LMBR1: variants seen among roughly 807,000 people sequenced by gnomAD.
LMBR1 encodes the protein limb region 1 protein homolog.
LMBR1 carries 52 observed loss-of-function variants against 73.9 expected under a neutral mutation model. That is an observed-to-expected ratio of 0.70 (90% CI 0.56 to 0.89). The LOEUF (loss-of-function observed/expected upper bound fraction) is 0.89. Ranked by LOEUF, LMBR1 falls within the 40% of genes least tolerant of loss-of-function variation. The probability of loss-of-function intolerance (pLI) is 0.00; values close to 1 mark genes in which losing one functional copy is unlikely to be tolerated. For missense variants in LMBR1, 539 were observed against 579.8 expected (o/e 0.93, Z 0.72); for synonymous variants, 215 against 209.4 (o/e 1.03, Z -0.23).
chr7:156,891,384 AGAAT>A (rs1463300418), intron 1 of LMBR1, among the ~76,000 whole-genome samples: 1 of 151,834 alleles, frequency 6.6e-6, no homozygotes, highest in African/African-American at 2.4e-5. Context: ...TACTGCACCG[AGAAT>A]GAATTATAAC....
intron 9 of LMBR1, among the ~76,000 whole-genome samples, chr7:156,749,966 G>A (rs567109688): frequency 7.9e-5 from 12 of 152,272 alleles, no homozygotes; most frequent in Non-Finnish European, 1.2e-4. Flanking sequence ...TGGGATTACA[G>A]GTGTGAACCA....
intron 3 of LMBR1, among the ~76,000 whole-genome samples, chr7:156,828,231 G>A (rs1363063619): frequency 6.6e-6 from 1 of 152,060 alleles, no homozygotes; most frequent in East Asian, 1.9e-4. Context: ...CCCCCTCATA[G>A]CCCAAACATG....
intron 9 of LMBR1, among the ~76,000 whole-genome samples, chr7:156,738,885 G>A (rs889077582): frequency 6.6e-6 from 1 of 152,138 alleles, no homozygotes; most frequent in African/African-American, 2.4e-5. Context: ...CAGGTCTGAT[G>A]CAGCATATTC....
chr7:156,717,426 T>A (rs1320807012), intron 15 of LMBR1, among the ~76,000 whole-genome samples: 2 of 152,124 alleles, frequency 1.3e-5, no homozygotes, highest in Non-Finnish European at 2.9e-5. Context: ...GAGGTCTCGA[T>A]TTGGGGGCAA....
At chr7:156,790,595 C>A (rs1222103154) in intron 5 of LMBR1, among the ~76,000 whole-genome samples, 1 of 151,764 alleles carries the variant, frequency 6.6e-6, no homozygotes, top group Non-Finnish European at 1.5e-5. Context: ...TCAAAGTATA[C>A]CATTACAGTG....
At chr7:156,724,764 C>CTGTGTGTGTGTG (rs71189961) in intron 14 of LMBR1, among the ~76,000 whole-genome samples, 12 of 146,534 alleles carry the variant, frequency 8.2e-5, no homozygotes, top group Admixed American at 1.4e-4. Flanking sequence ...AAAGAAATAG[C>CTGTGTGTGTGTG]TGTGTGTGTG....
At chr7:156,776,835 G>T (rs1826226008) in intron 5 of LMBR1, among the ~76,000 whole-genome samples, 1 of 152,050 alleles carries the variant, frequency 6.6e-6, no homozygotes, top group Non-Finnish European at 1.5e-5. Context: ...ATACAATCAT[G>T]AGAAAGTTTT....
At chr7:156,672,085 T>C (rs538906878) in intron 4 of LMBR1, among the ~76,000 whole-genome samples, 27 of 152,350 alleles carry the variant, frequency 1.8e-4, no homozygotes, top group African/African-American at 5.3e-4. Context: ...GTGATTCTTA[T>C]GTATATTAAA....
At chr7:156,722,753 GAATTT>G (rs1814858501) in intron 15 of LMBR1, among the ~76,000 whole-genome samples, 1 of 151,820 alleles carries the variant, frequency 6.6e-6, no homozygotes, top group African/African-American at 2.4e-5. Flanking sequence ...AACTACTCTG[GAATTT>G]AATTTGTTGG....
intron 15 of LMBR1, among the ~76,000 whole-genome samples, chr7:156,701,468 T>C (rs1563165333): frequency 6.6e-6 from 1 of 152,172 alleles, no homozygotes. Context: ...TTCATATATA[T>C]AAAATTCTAG....
intron 5 of LMBR1, among the ~76,000 whole-genome samples, chr7:156,772,658 A>C (rs1825412597): frequency 6.6e-6 from 1 of 152,036 alleles, no homozygotes; most frequent in Non-Finnish European, 1.5e-5. Flanking sequence ...GACCAGCCTG[A>C]CCAACACAGT....
chr7:156,746,804 T>C (rs536718207), intron 9 of LMBR1, among the ~76,000 whole-genome samples: 4 of 152,268 alleles, frequency 2.6e-5, no homozygotes, highest in Admixed American at 2.0e-4. Flanking sequence ...AATTATGACA[T>C]ACTGCAAACA....
Position 156,679,571 on chromosome 7 carries a change from CA to C in LMBR1, c.*4506del, listed in dbSNP as rs1563114126. On this transcript the variant is annotated 3_prime_UTR_variant, in exon 17 of 17. Coordinates refer to ENST00000353442, the MANE Select transcript of LMBR1 (RefSeq NM_022458.4). ...GTGTTTGTAAGCGGCATCGTTCATTCAGTAACAGCTTTTCAAAGGAAAGGAA... is the reference window on the plus strand; with the variant it reads ...GTGTTTGTAAGCGGCATCGTTCATTCGTAACAGCTTTTCAAAGGAAAGGAA... 1 of 152,148 alleles carries C rather than the reference CA, an allele frequency of 6.6e-6. No homozygotes were observed. The highest frequency in any genetic ancestry group is 1.5e-5 in the Non-Finnish European group (1 of 68,024). The allele number at this position is 152,148 out of a possible 1,614,324, so 9.4% of individuals were successfully genotyped here.
intron 15 of LMBR1, among the ~76,000 whole-genome samples, chr7:156,723,751 C>T (rs3778927): frequency 1.3e-5 from 2 of 152,154 alleles, no homozygotes; most frequent in Non-Finnish European, 2.9e-5. Context: ...TTAAACCATA[C>T]TAAATTATAA....
At chr7:156,676,794 CTTAGTATATT>C, downstream of LMBR1, 3 of 649,506 alleles carry the variant, frequency 4.6e-6, no homozygotes, top group Non-Finnish European at 7.9e-6. Context: ...TGTAGGAAAT[CTTAGTATATT>C]TTAAAAGCTG....
At chr7:156,866,626 GAC>G (rs1554563554) in intron 1 of LMBR1, among the ~76,000 whole-genome samples, 1 of 147,954 alleles carries the variant, frequency 6.8e-6, no homozygotes, top group Non-Finnish European at 1.5e-5. Flanking sequence ...TTTTTAATGA[GAC>G]ATAGTCTTGC....
chr7:156,674,653 G>T (rs981150716), downstream of LMBR1, among the ~76,000 whole-genome samples: 4 of 152,090 alleles, frequency 2.6e-5, no homozygotes, highest in Non-Finnish European at 5.9e-5. Flanking sequence ...CAGTTTGGGT[G>T]ACAGAGCGAG....
chr7:156,805,577 C>CT (rs1183823035), intron 4 of LMBR1, among the ~76,000 whole-genome samples: 1 of 152,186 alleles, frequency 6.6e-6, no homozygotes, highest in African/African-American at 2.4e-5. Context: ...GGTCAATCCT[C>CT]TAACTTTGTT....
intron 1 of LMBR1, among the ~76,000 whole-genome samples, chr7:156,868,281 C>G (rs910467131): frequency 1.3e-5 from 2 of 151,396 alleles, no homozygotes; most frequent in Non-Finnish European, 2.9e-5. Flanking sequence ...GAAACCTCCA[C>G]CTCCCGGGTT....
Sources: gnomAD v4.1 joint callset for allele counts (sites outside exome capture counted in the v4.1 genomes callset) on GRCh38, gnomAD v4.1.1 for gene constraint, MANE v1.5 for transcripts, NCBI Gene and HGNC (gene_info 2026-07-23, HGNC 2026-07-21) for gene names.